Variants in SYTL3 observed in about 807,000 individuals in gnomAD.
The protein encoded by SYTL3 is synaptotagmin-like protein 3.
SYTL3 carries 88 observed loss-of-function variants against 82.1 expected under a neutral mutation model. The observed-to-expected ratio is 1.07, with a 90% CI of 0.90 to 1.28. The LOEUF (loss-of-function observed/expected upper bound fraction) is 1.28, where lower values mean the gene tolerates loss of function less well. Ranked by LOEUF, SYTL3 falls within the 50% of genes most tolerant of loss-of-function variation. The pLI is 0.00. For synonymous variants in SYTL3, 311 were observed against 289.4 expected (o/e 1.07, Z -0.76); for missense variants, 831 against 757.6 (o/e 1.10, Z -1.14).
At position 158,734,126 on chromosome 6, in the gene SYTL3, T is replaced by A. The variant is rs867362912; in HGVS notation, c.855+8489T>A. Among the ~76,000 whole-genome samples the A allele has an allele frequency of 6.1e-5, 9 of 146,864 alleles. No individual in the cohort carries two copies. The Middle Eastern group carries it at 0.011, about 172-fold the overall frequency. On this transcript the variant is annotated intron_variant, in intron 11 of 17. Transcript: ENST00000611299. ...AAAAAAAAAAAAAAAAGAAGCACCC[T>A]TTCTGCAAAAAGTAAAATTGCCTTG... is the stretch of plus-strand genomic sequence containing the variant.
At chr6:158,703,901 G>A (rs1253975364) in intron 6 of SYTL3, among the ~76,000 whole-genome samples, 1 of 151,026 alleles carries the variant, frequency 6.6e-6, no homozygotes, top group Non-Finnish European at 1.5e-5. Flanking sequence ...GTGCAGTGGT[G>A]TAATCTGGGC....
At chr6:158,753,077 C>CTTTT (rs34396644) in intron 13 of SYTL3, among the ~76,000 whole-genome samples, 39 of 99,050 alleles carry the variant, frequency 3.9e-4, no homozygotes, top group African/African-American at 5.4e-4. Flanking sequence ...TTCTTCTTTT[C>CTTTT]TTTTTTTTTT....
intron 6 of SYTL3, among the ~76,000 whole-genome samples, chr6:158,697,040 G>T (rs1032133962): frequency 1.3e-5 from 2 of 151,398 alleles, no homozygotes; most frequent in Non-Finnish European, 2.9e-5. Context: ...CACTTAGCAA[G>T]TGCTAAGTGA....
intron 5 of SYTL3, 93 bp downstream of exon 5, chr6:158,665,706 C>A: frequency 1.1e-6 from 1 of 897,842 alleles, no homozygotes; most frequent in Non-Finnish European, 1.7e-6. Context: ...ACTCACTCCT[C>A]ACCTTCAGCC....
intron 13 of SYTL3, among the ~76,000 whole-genome samples, chr6:158,753,085 T>TTC (rs1788596977): frequency 6.8e-6 from 1 of 147,052 alleles, no homozygotes; most frequent in African/African-American, 2.5e-5. Flanking sequence ...TTCTTTTTTT[T>TTC]TTTTTTTTTT....
rs562796544 is a variant in SYTL3, at chr6:158,733,970, C to T, written c.855+8333C>T. On this transcript the variant is annotated intron_variant, in intron 11 of 17. Transcript: ENST00000611299. ...AAAATTAGCCAGGCGTGATGGCGGG[C>T]GCCTGTAGTCCCAGCTACTTGGGAG... Among the ~76,000 whole-genome samples the T allele has an allele frequency of 1.8e-3, 278 of 151,602 alleles. 2 individuals carry two copies. Among genetic ancestry groups the T allele is most frequent in the African/African-American group, 6.6e-3 (271 of 41,372 alleles).
At chr6:158,688,979 A>AT (rs1264939283) in intron 6 of SYTL3, among the ~76,000 whole-genome samples, 1 of 152,214 alleles carries the variant, frequency 6.6e-6, no homozygotes, top group Non-Finnish European at 1.5e-5. Flanking sequence ...TATAAGGAAC[A>AT]TTTTCAGTGT....
At chr6:158,674,531 C>T (rs999685023) in intron 5 of SYTL3, among the ~76,000 whole-genome samples, 3 of 152,184 alleles carry the variant, frequency 2.0e-5, no homozygotes, top group African/African-American at 7.2e-5. Flanking sequence ...CTTTAGAAAG[C>T]CAGGTTGAGC....
chr6:158,675,325 G>A (rs1324245333), intron 5 of SYTL3, among the ~76,000 whole-genome samples: 2 of 152,178 alleles, frequency 1.3e-5, no homozygotes, highest in Non-Finnish European at 2.9e-5. Context: ...TTTGTAAGAA[G>A]TGTTGGTAAC....
At chr6:158,700,639 C>T (rs1177802196) in intron 6 of SYTL3, among the ~76,000 whole-genome samples, 1 of 151,688 alleles carries the variant, frequency 6.6e-6, no homozygotes. Context: ...TATTTTGAGA[C>T]GGAGTCTTGC....
At chr6:158,685,295 ACTC>A (rs1419095628) in intron 6 of SYTL3, among the ~76,000 whole-genome samples, 4 of 146,258 alleles carry the variant, frequency 2.7e-5, no homozygotes, top group Non-Finnish European at 6.0e-5. Flanking sequence ...CTCACTGTAA[ACTC>A]CTCCTCCTGG....
At chr6:158,703,866 G>A (rs1306679123) in intron 6 of SYTL3, among the ~76,000 whole-genome samples, 2 of 136,504 alleles carry the variant, frequency 1.5e-5, no homozygotes, top group African/African-American at 6.1e-5. Context: ...TTGAGATGGA[G>A]TCTCATTCTA....
chr6:158,650,708 C>G (rs1293769762), intron 1 of SYTL3, among the ~76,000 whole-genome samples: 4 of 151,216 alleles, frequency 2.6e-5, no homozygotes, highest in Non-Finnish European at 5.9e-5. Flanking sequence ...TTTGGGAGGC[C>G]AAGGTGGGTA....
chr6:158,667,971 C>T (rs779431496), intron 5 of SYTL3, among the ~76,000 whole-genome samples: 1 of 152,190 alleles, frequency 6.6e-6, no homozygotes, highest in African/African-American at 2.4e-5. Context: ...AGACGACTTC[C>T]AGAACATCCA....
chr6:158,730,718 C>A (rs755992887), intron 11 of SYTL3, among the ~76,000 whole-genome samples: 1 of 152,102 alleles, frequency 6.6e-6, no homozygotes, highest in Non-Finnish European at 1.5e-5. Flanking sequence ...AAGGAAATAC[C>A]GGAGGAGCTG....
chr6:158,658,864 C>T lies in SYTL3; in HGVS notation c.-636-2405C>T, dbSNP rs141697798. On this transcript the variant is annotated intron_variant, in intron 2 of 17. Transcript: ENST00000611299. ...GAATCACTTGAACCTGGGAGGCGGACGTTGCAGTGAGCAGAGATCATGCCA... is the reference window on the plus strand; with the variant it reads ...GAATCACTTGAACCTGGGAGGCGGATGTTGCAGTGAGCAGAGATCATGCCA... Among the ~76,000 whole-genome samples, 831 of 152,180 alleles carry T rather than the reference C, an allele frequency of 5.5e-3. 2 individuals carry two copies. The highest frequency in any genetic ancestry group is 0.051 in the Middle Eastern group (15 of 294).
At chr6:158,707,480 C>T (rs1211835819) in intron 7 of SYTL3, among the ~76,000 whole-genome samples, 199 bp downstream of exon 7, 1 of 151,710 alleles carries the variant, frequency 6.6e-6, no homozygotes, top group Admixed American at 6.6e-5. Context: ...GAGAAACCTT[C>T]TAGTTAGCAT....
intron 12 of SYTL3, among the ~76,000 whole-genome samples, chr6:158,748,154 G>A (rs1388371067): frequency 1.3e-5 from 2 of 151,694 alleles, no homozygotes; most frequent in African/African-American, 4.8e-5. Flanking sequence ...TAAGGCAGGG[G>A]CCTCAGTTTT....
intron 10 of SYTL3, among the ~76,000 whole-genome samples, chr6:158,720,465 T>C (rs1482814244): frequency 6.7e-6 from 1 of 148,622 alleles, no homozygotes; most frequent in East Asian, 2.0e-4. Context: ...GTGCCTAATG[T>C]CACATAGTGA....
Sources: allele counts gnomAD v4.1 joint callset (sites outside exome capture counted in the v4.1 genomes callset), GRCh38; gene constraint gnomAD v4.1.1; transcripts MANE v1.5; gene names NCBI Gene and HGNC (gene_info 2026-07-23, HGNC 2026-07-21).